SFXN5: variants seen among roughly 807,000 people sequenced by gnomAD.
SFXN5 encodes the protein sideroflexin-5.
SFXN5 carries 43 observed loss-of-function variants against 50.2 expected under a neutral mutation model. The observed-to-expected ratio is 0.86, with a 90% CI of 0.67 to 1.11. SFXN5 has a LOEUF of 1.11. Ranked by LOEUF, SFXN5 falls within the 50% of genes least tolerant of loss-of-function variation. SFXN5 has a pLI of 0.00. For synonymous variants in SFXN5, 203 were observed against 185.8 expected (o/e 1.09, Z -0.75); for missense variants, 463 against 454.1 (o/e 1.02, Z -0.18).
At position 73,040,840 on chromosome 2, in the gene SFXN5, T is replaced by G; in HGVS notation, c.249+14A>C. 6.2e-7 allele frequency: 1 copy of G among 1,600,672 alleles called. No individual in the cohort carries two copies. Among genetic ancestry groups the G allele is most frequent in the Non-Finnish European group, 8.5e-7 (1 of 1,173,760 alleles). ...CTTCCCCACTGGCCATGCTCCCACC[T>G]CCCACAGAGTTACCTGTTCATTGGT... On this transcript the variant is annotated intron_variant, in intron 3 of 13. Coordinates refer to ENST00000272433, the MANE Select transcript of SFXN5 (RefSeq NM_144579.3).
At chr2:73,040,202 ATAAAGT>A (rs1165032536) in intron 3 of SFXN5, among the ~76,000 whole-genome samples, 2 of 152,212 alleles carry the variant, frequency 1.3e-5, no homozygotes, top group African/African-American at 2.4e-5. Context: ...AGTTTTTGAA[ATAAAGT>A]TTATGAACAA....
rs1334138348 is a variant in SFXN5, at chr2:72,960,874, CT to C, written c.945+256del. Among the ~76,000 whole-genome samples, 22 of 152,324 alleles carry C rather than the reference CT, an allele frequency of 1.4e-4. No homozygotes were observed. Among genetic ancestry groups the C allele is most frequent in the African/African-American group, 4.6e-4 (19 of 41,574 alleles). ...CACTTCCCTCTAGGCTCAGTTTGGT[CT>C]GCTGTCTCCTTCCACACCCAGTGGA... On this transcript the variant is annotated intron_variant, in intron 13 of 13. Transcript: ENST00000272433. This position sits in a 1 kb window ranked among gnomAD's most constrained non-coding sequence, Gnocchi z 6.1.
chr2:73,018,276 G>GA lies in SFXN5; in HGVS notation c.357+1962dup, dbSNP rs1002008346. Among the ~76,000 whole-genome samples the GA allele has an allele frequency of 1.6e-3, 235 of 145,058 alleles. 2 individuals are homozygous for GA. The highest frequency in any genetic ancestry group is 5.1e-3 in the African/African-American group (202 of 39,666). On this transcript the variant is annotated intron_variant, in intron 6 of 13. Coordinates refer to ENST00000272433, the MANE Select transcript of SFXN5 (RefSeq NM_144579.3). ...AAGAAAAGGAAAGGAGAAAGGAAAA[G>GA]AAAAAAAAAAGAGAAAGAGAAAAGA...
intron 10 of SFXN5, among the ~76,000 whole-genome samples, chr2:72,985,964 C>A (rs1671869087): frequency 6.6e-6 from 1 of 152,222 alleles, no homozygotes; most frequent in African/African-American, 2.4e-5. Context: ...AAGTTCTTAT[C>A]TAAAGCTTGG....
At chr2:73,047,269 T>TACACAC (rs1433865168) in intron 2 of SFXN5, among the ~76,000 whole-genome samples, 7 of 76,868 alleles carry the variant, frequency 9.1e-5, no homozygotes, top group Non-Finnish European at 1.4e-4. Flanking sequence ...TATATATATA[T>TACACAC]ATATATACAC....
intron 11 of SFXN5, among the ~76,000 whole-genome samples, 159 bp from the exon 12 acceptor site, chr2:72,968,692 A>G (rs1387841438): frequency 2.0e-5 from 3 of 151,998 alleles, no homozygotes; most frequent in South Asian, 2.1e-4. Flanking sequence ...CAACAAAAAA[A>G]GCCACTGGTC....
chr2:72,995,729 T>C (rs970136337), intron 9 of SFXN5, among the ~76,000 whole-genome samples: 2 of 152,110 alleles, frequency 1.3e-5, no homozygotes, highest in Non-Finnish European at 2.9e-5. Context: ...TTGTCACTAA[T>C]TGAAACAGAG....
intron 10 of SFXN5, among the ~76,000 whole-genome samples, chr2:72,982,219 G>A (rs549875595): frequency 8.3e-4 from 127 of 152,180 alleles, no homozygotes; most frequent in African/African-American, 2.8e-3. Flanking sequence ...GGCCATAATG[G>A]CCTGGAAGGG....
At chr2:73,027,212 GT>G (rs1319439209) in intron 3 of SFXN5, among the ~76,000 whole-genome samples, 1 of 152,232 alleles carries the variant, frequency 6.6e-6, no homozygotes, top group Non-Finnish European at 1.5e-5. Context: ...GTAAAAGACA[GT>G]GATATTGATG....
chr2:73,030,378 TTTG>T (rs963880257), intron 3 of SFXN5, among the ~76,000 whole-genome samples: 2 of 152,086 alleles, frequency 1.3e-5, no homozygotes, highest in Non-Finnish European at 2.9e-5. Flanking sequence ...TACACATATA[TTTG>T]TTGTTGTTGT....
chr2:73,049,898 G>C (rs963866637), intron 2 of SFXN5: 1 of 150,962 alleles, frequency 6.6e-6, no homozygotes, highest in African/African-American at 2.4e-5. Flanking sequence ...CCAGCTGTGA[G>C]CCTGTAAAAT....
At chr2:72,990,833 C>T (rs953155687) in intron 9 of SFXN5, among the ~76,000 whole-genome samples, 7 of 152,164 alleles carry the variant, frequency 4.6e-5, no homozygotes, top group South Asian at 4.1e-4. Context: ...GGCGTTTGAA[C>T]GGCACATCTG....
chr2:72,987,214 G>A (rs1672024567), intron 10 of SFXN5, among the ~76,000 whole-genome samples: 1 of 151,974 alleles, frequency 6.6e-6, no homozygotes, highest in Non-Finnish European at 1.5e-5. Flanking sequence ...CCTGGTTCAA[G>A]CCATTCTCCT....
At position 72,961,231 on chromosome 2, in the gene SFXN5, G is replaced by C. The variant is rs778787789; in HGVS notation, c.845C>G (p.Ala282Gly). Reference protein sequence around the residue: ...SMLEKTALLQARPRLLLPVQS... With the variant: ...SMLEKTALLQGRPRLLLPVQS... Reference sequence around the variant, plus strand: ...CACAGGGAGGAGCAGCCGGGGGCGTGCCTGCAGGAGAGCCGTCCTGTGAGG... The same window carrying C: ...CACAGGGAGGAGCAGCCGGGGGCGTCCCTGCAGGAGAGCCGTCCTGTGAGG... Residue 282 changes from alanine (A) to glycine (G), a missense_variant, in exon 13 of 14, where the codon GCA becomes GGA. Coordinates refer to ENST00000272433, the MANE Select transcript of SFXN5 (RefSeq NM_144579.3). The surrounding 1 kb of genome is among the most constrained non-coding windows in gnomAD (Gnocchi z 4.4). The C allele has an allele frequency of 1.3e-6, 2 of 1,535,016 alleles. No individual in the cohort carries two copies. Among genetic ancestry groups the C allele is most frequent in the Non-Finnish European group, 1.7e-6 (2 of 1,148,622 alleles).
At chr2:73,065,534 G>GA (rs1559223568) in intron 1 of SFXN5, among the ~76,000 whole-genome samples, 1 of 152,134 alleles carries the variant, frequency 6.6e-6, no homozygotes, top group Non-Finnish European at 1.5e-5. Context: ...GAGTAGCTGG[G>GA]ATTATAGGCG....
intron 13 of SFXN5, among the ~76,000 whole-genome samples, chr2:72,949,733 C>T (rs570759607): frequency 1.3e-5 from 2 of 152,194 alleles, no homozygotes; most frequent in East Asian, 1.9e-4. Context: ...CCAGGTCCTG[C>T]CCTATGATGC....
intron 11 of SFXN5, 110 bp from the exon 12 acceptor site, chr2:72,968,643 G>A (rs1674764797): frequency 5.2e-6 from 5 of 954,840 alleles, no homozygotes; most frequent in African/African-American, 3.3e-5. Flanking sequence ...TGTCTGAATG[G>A]CCTTATTCAT....
rs115398697 is a variant in SFXN5, at chr2:72,977,281, C to A, written c.626-5596G>T. Among the ~76,000 whole-genome samples, 705 of 152,266 alleles carry A rather than the reference C, an allele frequency of 4.6e-3. 10 individuals are homozygous for A. Among genetic ancestry groups the A allele is most frequent in the African/African-American group, 0.016 (663 of 41,532 alleles). ...TCGCCCTTTGTAAAGTAATAGACTC[C>A]CTTATTATTTAAACCCTCAACAGTT... is the stretch of plus-strand genomic sequence containing the variant. On this transcript the variant is annotated intron_variant, in intron 10 of 13. Transcript: ENST00000272433.
chr2:73,005,066 G>A (rs1413216150), intron 6 of SFXN5, among the ~76,000 whole-genome samples: 2 of 152,130 alleles, frequency 1.3e-5, no homozygotes, highest in African/African-American at 4.8e-5. Context: ...TCTTCCAAGA[G>A]GGAAACGATT....
Sources: gnomAD v4.1 joint callset for allele counts (sites outside exome capture counted in the v4.1 genomes callset) on GRCh38, gnomAD v4.1.1 for gene constraint, Gnocchi (gnomAD v3.1) non-coding constraint, MANE v1.5 for transcripts, NCBI Gene and HGNC (gene_info 2026-07-23, HGNC 2026-07-21) for gene names.